The following RAPGEF4 variants were observed in gnomAD, a reference collection of about 807,000 sequenced individuals.
RAPGEF4 encodes the protein Rap guanine nucleotide exchange factor 4.
A neutral mutation model predicts 147.9 loss-of-function variants in RAPGEF4; 66 were observed. The ratio of observed to expected loss-of-function variants is 0.45; its 90% CI spans 0.37 to 0.55. RAPGEF4 has a LOEUF of 0.55. RAPGEF4 is among the 20% of genes least tolerant of loss of function. The pLI is 0.00. For missense variants in RAPGEF4, 1,071 were observed against 1,257.3 expected (o/e 0.85, Z 2.24); for synonymous variants, 419 against 442.7 (o/e 0.95, Z 0.67).
intron 4 of RAPGEF4, among the ~76,000 whole-genome samples, chr2:172,916,713 G>A (rs981113619): frequency 1.3e-5 from 2 of 152,196 alleles, no homozygotes; most frequent in African/African-American, 4.8e-5. Context: ...ATCTTGACTA[G>A]AAGAAGGCTC....
At chr2:172,862,779 G>A (rs1485727603) in intron 4 of RAPGEF4, among the ~76,000 whole-genome samples, 2 of 152,188 alleles carry the variant, frequency 1.3e-5, no homozygotes, top group Non-Finnish European at 2.9e-5. Context: ...GGGAGAGGAA[G>A]TTTCCTCCTT....
intron 4 of RAPGEF4, among the ~76,000 whole-genome samples, chr2:172,877,208 T>C (rs939931121): frequency 1.3e-5 from 2 of 152,194 alleles, no homozygotes; most frequent in African/African-American, 4.8e-5. Context: ...GTTCATGTCC[T>C]TTGCAGGGAC....
intron 4 of RAPGEF4, among the ~76,000 whole-genome samples, chr2:172,863,860 A>G (rs530808773): frequency 6.6e-6 from 1 of 152,348 alleles, no homozygotes; most frequent in Admixed American, 6.5e-5. Context: ...AATTGCAATA[A>G]AAATTAATAG....
At chr2:173,018,889 T>G in intron 22 of RAPGEF4, 87 bp downstream of exon 22, 4 of 1,421,562 alleles carry the variant, frequency 2.8e-6, no homozygotes, top group Non-Finnish European at 3.9e-6. Flanking sequence ...CGTGGTCATG[T>G]GAGGCTCACC....
intron 1 of RAPGEF4, among the ~76,000 whole-genome samples, chr2:172,745,787 T>C (rs1226544540): frequency 6.6e-6 from 1 of 152,218 alleles, no homozygotes; most frequent in Admixed American, 6.5e-5. Flanking sequence ...TTAATCAAGC[T>C]GATACTGGGA....
At chr2:173,032,140 A>G (rs13022247) in intron 26 of RAPGEF4, among the ~76,000 whole-genome samples, 63,854 of 152,052 alleles carry the variant, frequency 0.42, 14,550 homozygotes, top group East Asian at 0.61. Flanking sequence ...TGGAGCACAC[A>G]CACTCTCTCA....
intron 1 of RAPGEF4, among the ~76,000 whole-genome samples, chr2:172,790,991 C>T (rs943749181): frequency 3.9e-5 from 6 of 152,214 alleles, no homozygotes; most frequent in African/African-American, 1.4e-4. Flanking sequence ...CAGCATCTAT[C>T]TGGTCAGAGT....
At chr2:173,010,026 TAA>T (rs1250565921) in intron 17 of RAPGEF4, among the ~76,000 whole-genome samples, 1 of 152,128 alleles carries the variant, frequency 6.6e-6, no homozygotes, top group African/African-American at 2.4e-5. Context: ...GGGAGGAAAA[TAA>T]GAGAACTGAG....
In RAPGEF4 at chr2:173,042,494, G is replaced by T. The variant is rs1178322589; in HGVS notation, c.2853+5802G>T. Among the ~76,000 whole-genome samples, 1 of 151,994 alleles carries T rather than the reference G, an allele frequency of 6.6e-6. No homozygotes were observed. Among genetic ancestry groups the T allele is most frequent in the East Asian group, 1.9e-4 (1 of 5,178 alleles). ...AAAAATTAGCCAGGCATGGTGGCGGGCGCCTGTAATCCCAGCTATTCAGGA... is the reference window on the plus strand; with the variant it reads ...AAAAATTAGCCAGGCATGGTGGCGGTCGCCTGTAATCCCAGCTATTCAGGA... On this transcript the variant is annotated intron_variant, in intron 29 of 30. Coordinates refer to ENST00000397081, the MANE Select transcript of RAPGEF4 (RefSeq NM_007023.4). The surrounding 1 kb of genome is among the most constrained non-coding windows in gnomAD (Gnocchi z 4.2).
At chr2:173,034,460 G>A (rs1366777651) in intron 27 of RAPGEF4, among the ~76,000 whole-genome samples, 1 of 152,100 alleles carries the variant, frequency 6.6e-6, no homozygotes, top group Non-Finnish European at 1.5e-5. Context: ...TGCAGTAGAG[G>A]TTTCATTTTT....
At chr2:173,047,327 T>G (rs960360432) in intron 29 of RAPGEF4, among the ~76,000 whole-genome samples, 1 of 152,224 alleles carries the variant, frequency 6.6e-6, no homozygotes. Context: ...GATTCCCTTT[T>G]AAGTCTTTAT....
chr2:172,980,128 G>A (rs1024571936), intron 10 of RAPGEF4, among the ~76,000 whole-genome samples: 2 of 152,188 alleles, frequency 1.3e-5, no homozygotes, highest in Admixed American at 6.5e-5. Context: ...TAGTGTGTTC[G>A]AGGAATGGAG....
intron 11 of RAPGEF4, 86 bp from the exon 12 acceptor site, chr2:172,985,347 G>A (rs1692134223): frequency 1.3e-6 from 2 of 1,592,656 alleles, no homozygotes; most frequent in Admixed American, 1.7e-5. Context: ...GGGACAGTTT[G>A]CATTGTGCCC....
chr2:172,867,910 A>T (rs555991339), intron 4 of RAPGEF4, among the ~76,000 whole-genome samples: 1 of 152,362 alleles, frequency 6.6e-6, no homozygotes, highest in African/African-American at 2.4e-5. Context: ...ATAAATTTTT[A>T]TATTACCTTT....
chr2:172,883,341 G>A (rs1696828002), intron 4 of RAPGEF4, among the ~76,000 whole-genome samples: 2 of 152,294 alleles, frequency 1.3e-5, no homozygotes, highest in South Asian at 4.1e-4. Context: ...GAGGGCAGGA[G>A]ATCCAACTCA....
At chr2:172,838,574 T>A (rs1210252000) in intron 4 of RAPGEF4, among the ~76,000 whole-genome samples, 1 of 152,178 alleles carries the variant, frequency 6.6e-6, no homozygotes. Context: ...TTTCTAAGCA[T>A]GCTGGTGATT....
intron 5 of RAPGEF4, among the ~76,000 whole-genome samples, chr2:172,920,031 C>G (rs1192079559): frequency 6.6e-6 from 1 of 152,176 alleles, no homozygotes; most frequent in African/African-American, 2.4e-5. Flanking sequence ...TTCACTATCT[C>G]ACCCTTGGTC....
chr2:172,773,374 T>C (rs1209266622), intron 1 of RAPGEF4, among the ~76,000 whole-genome samples: 1 of 152,220 alleles, frequency 6.6e-6, no homozygotes, highest in Non-Finnish European at 1.5e-5. Flanking sequence ...GACAAATGGT[T>C]CATATGATGT....
rs909564816 is a variant in RAPGEF4 at position 173,026,639 on chromosome 2, A to G, written c.2321A>G (p.Lys774Arg). ...TVGTFELMSSKDLAYQMTIYD... is the reference protein window; with the variant it reads ...TVGTFELMSSRDLAYQMTIYD... ...GGAACTTTTGAACTGATGAGCTCCA[A>G]AGATTTAGCATACCAGATGACAATT... The change falls in exon 24 of 31, where the codon AAA (lysine) becomes AGA (arginine). Residue 774 changes from lysine (K) to arginine (R), a missense_variant. Coordinates refer to ENST00000397081, the MANE Select transcript of RAPGEF4 (RefSeq NM_007023.4). 3.1e-6 allele frequency: 5 copies of G among 1,613,920 alleles called. No homozygotes were observed. The highest frequency in any genetic ancestry group is 4.2e-6 in the Non-Finnish European group (5 of 1,179,940).
Sources: gnomAD v4.1 joint callset for allele counts (sites outside exome capture counted in the v4.1 genomes callset) on GRCh38, gnomAD v4.1.1 for gene constraint, Gnocchi (gnomAD v3.1) non-coding constraint, MANE v1.5 for transcripts, NCBI Gene and HGNC (gene_info 2026-07-23, HGNC 2026-07-21) for gene names.